STAT3: variants seen among roughly 807,000 people sequenced by gnomAD.
The protein encoded by STAT3 is DNA-binding protein APRF.
STAT3 carries 7 observed loss-of-function variants against 114.3 expected under a neutral mutation model. The ratio of observed to expected loss-of-function variants is 0.06; its 90% CI spans 0.03 to 0.11. The LOEUF is 0.11. Ranked by LOEUF, STAT3 falls within the 10% of genes least tolerant of loss-of-function variation. The pLI, the probability that STAT3 is intolerant of heterozygous loss-of-function variation, is 1.00. For synonymous variants in STAT3, 331 were observed against 354.5 expected, an observed-to-expected ratio of 0.93 and a Z score of 0.74; for missense variants, 364 against 960.9, an observed-to-expected ratio of 0.38 and a Z score of 8.21.
At chr17:42,319,830 AC>A in intron 21 of STAT3, among the ~76,000 whole-genome samples, 1 of 152,026 alleles carries the variant, frequency 6.6e-6, no homozygotes. Flanking sequence ...ACACAGGGAC[AC>A]CCCCACACCC....
At chr17:42,339,941 G>A (rs980191264) in intron 4 of STAT3, among the ~76,000 whole-genome samples, 1 of 152,108 alleles carries the variant, frequency 6.6e-6, no homozygotes. Flanking sequence ...GAAGTGGGAG[G>A]ACTGCTTGAG....
At chr17:42,317,799 T>C (rs2081309089) in intron 21 of STAT3, among the ~76,000 whole-genome samples, 1 of 152,202 alleles carries the variant, frequency 6.6e-6, no homozygotes, top group Non-Finnish European at 1.5e-5. Flanking sequence ...AGTAACTTTC[T>C]AGTTGGATAA....
Position 42,334,854 on chromosome 17 carries a change from T to C in STAT3, c.798-805A>G, listed in dbSNP as rs187312206. Among the ~76,000 whole-genome samples the C allele has an allele frequency of 3.3e-5, 5 of 152,278 alleles. No homozygotes were observed. In the East Asian group the frequency reaches 9.6e-4, roughly 29 times the overall value. ...TTAAAATTTATACCACTAGGAGGCA[T>C]TGATGGAGTTATCACTGGAAAATGA... is the stretch of plus-strand genomic sequence containing the variant. On this transcript the variant is annotated intron_variant, in intron 8 of 23. Coordinates refer to ENST00000264657, the MANE Select transcript of STAT3 (RefSeq NM_139276.3).
At chr17:42,383,299 C>T (rs925158254) in intron 1 of STAT3, among the ~76,000 whole-genome samples, 8 of 151,878 alleles carry the variant, frequency 5.3e-5, no homozygotes, top group South Asian at 2.1e-4. Context: ...TCAAGTGATC[C>T]GCTCACCTCT....
chr17:42,362,741 C>T (rs1021577369), intron 1 of STAT3, among the ~76,000 whole-genome samples: 4 of 152,138 alleles, frequency 2.6e-5, no homozygotes, highest in Admixed American at 2.6e-4. Flanking sequence ...CTCAGGAGCC[C>T]AATAGCGTGC....
intron 1 of STAT3, among the ~76,000 whole-genome samples, chr17:42,370,964 T>C (rs1440904614): frequency 2.0e-5 from 3 of 152,156 alleles, no homozygotes; most frequent in African/African-American, 7.2e-5. Context: ...AAAAGAGTTT[T>C]CAGGGCATTT....
intron 1 of STAT3, among the ~76,000 whole-genome samples, chr17:42,356,521 G>A (rs1311020860): frequency 1.4e-5 from 2 of 143,572 alleles, no homozygotes; most frequent in African/African-American, 2.7e-5. Flanking sequence ...GTTTGTGTGT[G>A]TGTATATATA....
At chr17:42,334,116 A>C (rs1030713032) in intron 8 of STAT3, 67 bp from the exon 9 acceptor site, 1 of 1,584,756 alleles carries the variant, frequency 6.3e-7, no homozygotes, top group Admixed American at 1.7e-5. Flanking sequence ...GGAGAAGGGG[A>C]AGGAAATACT....
At chr17:42,315,971 AC>A in intron 23 of STAT3, 171 bp from the exon 24 acceptor site, 1 of 1,490,584 alleles carries the variant, frequency 6.7e-7, no homozygotes, top group South Asian at 1.3e-5. Context: ...TCCCTGGAGG[AC>A]CCTGCCTCGG....
rs17884929 is a variant in STAT3, at chr17:42,324,321, A to AAAAT, written c.1600+386_1600+389dup. Among the ~76,000 whole-genome samples, 185 of 152,230 alleles carry AAAAT rather than the reference A, an allele frequency of 1.2e-3. No individual in the cohort carries two copies. Among genetic ancestry groups the AAAAT allele is most frequent in the African/African-American group, 4.2e-3 (174 of 41,516 alleles). On this transcript the variant is annotated intron_variant, in intron 17 of 23. Transcript: ENST00000264657. The surrounding 1 kb of genome is among the most constrained non-coding windows in gnomAD (Gnocchi z 4.5). ...GCAACAGAGCAAGACTCGTCTCAAA[A>AAAAT]AAATAAATAAATAAATAAAATAAGA...
At chr17:42,347,198 A>G (rs1255604789) in intron 2 of STAT3, among the ~76,000 whole-genome samples, 1 of 151,220 alleles carries the variant, frequency 6.6e-6, no homozygotes, top group Non-Finnish European at 1.5e-5. Context: ...AAAAAAAAAA[A>G]AAAAACCACA....
intron 1 of STAT3, among the ~76,000 whole-genome samples, chr17:42,359,167 C>T (rs753354468): frequency 1.3e-5 from 2 of 151,944 alleles, no homozygotes; most frequent in African/African-American, 4.8e-5. Context: ...AATCACCTGA[C>T]CTCGTGATCT....
rs1299878338 is a variant in STAT3 at position 42,338,913 on chromosome 17, TCAAA to T, written c.469-105_469-102del. On this transcript the variant is annotated intron_variant, in intron 5 of 23. Coordinates refer to ENST00000264657, the MANE Select transcript of STAT3 (RefSeq NM_139276.3). ...GGAGAATTCAAATGAAGCCAAAACC[TCAAA>T]AAAGATACATGCAGGACCTGCAGGC... 2.8e-6 allele frequency: 3 copies of T among 1,080,472 alleles called. No homozygotes were observed. The East Asian group carries it at 7.3e-5, about 26-fold the overall frequency. The allele number at this position is 1,080,472 out of a possible 1,614,324, so 66.9% of individuals were successfully genotyped here.
chr17:42,313,406 A>G lies in STAT3; in HGVS notation c.*2339T>C, dbSNP rs2081145060. 9.5e-6 allele frequency: 2 copies of G among 210,898 alleles called. No homozygotes were observed. The highest frequency in any genetic ancestry group is 1.2e-4 in the Admixed American group (2 of 16,924). 13.1% of individuals were successfully genotyped at this position (210,898 alleles called of 1,614,324 possible). Reference sequence around the variant, plus strand: ...AAAAAAAAAAAAAAAAAAAAAGACAAAAAACCTCACAATAATATAAATTTT... The same window carrying G: ...AAAAAAAAAAAAAAAAAAAAAGACAGAAAACCTCACAATAATATAAATTTT... On this transcript the variant is annotated 3_prime_UTR_variant, in exon 24 of 24. Transcript: ENST00000264657.
At chr17:42,359,355 T>C (rs566875569) in intron 1 of STAT3, among the ~76,000 whole-genome samples, 2 of 152,148 alleles carry the variant, frequency 1.3e-5, no homozygotes, top group African/African-American at 4.8e-5. Flanking sequence ...GTAAAATACA[T>C]GCATTTCAAT....
At chr17:42,339,286 C>T in intron 5 of STAT3, 28 bp downstream of exon 5, 1 of 1,610,122 alleles carries the variant, frequency 6.2e-7, no homozygotes, top group Middle Eastern at 1.7e-4. Flanking sequence ...ATGAAAGCTC[C>T]CTGCCCGAGG....
intron 1 of STAT3, among the ~76,000 whole-genome samples, chr17:42,374,996 T>C (rs1456905463): frequency 6.6e-6 from 1 of 152,200 alleles, no homozygotes; most frequent in Non-Finnish European, 1.5e-5. Context: ...GTCAACACTT[T>C]TAAAACTTAA....
chr17:42,330,980 C>T (rs891771115), intron 11 of STAT3, among the ~76,000 whole-genome samples: 1 of 152,186 alleles, frequency 6.6e-6, no homozygotes, highest in African/African-American at 2.4e-5. Context: ...AGATGTGTTA[C>T]AATTGCCTAC....
At chr17:42,325,325 A>G (rs952560542) in intron 15 of STAT3, among the ~76,000 whole-genome samples, 3 of 152,164 alleles carry the variant, frequency 2.0e-5, no homozygotes, top group African/African-American at 7.2e-5. Flanking sequence ...CTTGACTCAC[A>G]ATCCACAGAT....
Sources: gnomAD v4.1 joint callset for allele counts (sites outside exome capture counted in the v4.1 genomes callset) on GRCh38, gnomAD v4.1.1 for gene constraint, Gnocchi (gnomAD v3.1) non-coding constraint, MANE v1.5 for transcripts, NCBI Gene and HGNC (gene_info 2026-07-23, HGNC 2026-07-21) for gene names.